KIAA0232: variants seen among roughly 807,000 people sequenced by gnomAD.
The protein encoded by KIAA0232 is KIAA0232, also known as uncharacterized protein KIAA0232.
A neutral mutation model predicts 122.0 loss-of-function variants in KIAA0232; 27 were observed. That is an observed-to-expected ratio of 0.22 (90% CI 0.16 to 0.31). KIAA0232 has a LOEUF of 0.31. KIAA0232 is among the 10% of genes least tolerant of loss of function. KIAA0232 has a pLI of 1.00. For missense variants in KIAA0232, 1,551 were observed against 1,634.2 expected, an observed-to-expected ratio of 0.95 and a Z score of 0.88; for synonymous variants, 613 against 587.6, an observed-to-expected ratio of 1.04 and a Z score of -0.63.
intron 2 of KIAA0232, among the ~76,000 whole-genome samples, chr4:6,815,314 G>A (rs1177061599): frequency 6.6e-6 from 1 of 152,152 alleles, no homozygotes. Flanking sequence ...TGGATCATAC[G>A]TGAAGTAAGT....
chr4:6,790,825 G>A (rs1296771021), intron 1 of KIAA0232, among the ~76,000 whole-genome samples: 1 of 150,630 alleles, frequency 6.6e-6, no homozygotes, highest in Non-Finnish European at 1.5e-5. Context: ...GCTTTCTTTG[G>A]TTAGTTACCA....
rs1282967876 is a variant in KIAA0232, at chr4:6,862,778, A to G, written c.2396A>G (p.Lys799Arg). 6.2e-7 allele frequency: 1 copy of G among 1,614,034 alleles called. No individual in the cohort carries two copies. Among genetic ancestry groups the G allele is most frequent in the Non-Finnish European group, 8.5e-7 (1 of 1,180,044 alleles). The part of the protein sequence containing the change: ...ESVCGIQLEQ[K>R]TENKNFETTQ... ...GTCTGTGGTATTCAGCTAGAACAAA[A>G]AACAGAAAACAAAAATTTTGAAACT... The change falls in exon 7 of 10, where the codon AAA becomes AGA. Residue 799 changes from lysine to arginine, a missense_variant. This residue lies in a region of KIAA0232 where 1,108 missense variants were observed against 1,154.8 expected (regional missense o/e 0.96). Coordinates refer to ENST00000307659, the MANE Select transcript of KIAA0232 (RefSeq NM_014743.3).
intron 1 of KIAA0232, among the ~76,000 whole-genome samples, chr4:6,786,074 C>T (rs1400971614): frequency 2.6e-5 from 4 of 152,084 alleles, no homozygotes; most frequent in African/African-American, 7.2e-5. Context: ...TTGTCTATAT[C>T]ATGTTGTATT....
chr4:6,864,913 A>G (rs1348550326), intron 7 of KIAA0232, among the ~76,000 whole-genome samples: 1 of 152,178 alleles, frequency 6.6e-6, no homozygotes, highest in African/African-American at 2.4e-5. Context: ...TTTTACATAT[A>G]AAACAAATTA....
At chr4:6,870,854 T>A (rs1721441040) in intron 7 of KIAA0232, among the ~76,000 whole-genome samples, 1 of 151,892 alleles carries the variant, frequency 6.6e-6, no homozygotes, top group African/African-American at 2.4e-5. Flanking sequence ...TTTTACTTAC[T>A]TCTGCCTGAA....
intron 4 of KIAA0232, among the ~76,000 whole-genome samples, chr4:6,846,193 G>T (rs551941283): frequency 6.6e-6 from 1 of 152,092 alleles, no homozygotes. Context: ...AATGTGCCAG[G>T]CATAACCAGA....
chr4:6,803,106 A>C (rs4555638), intron 1 of KIAA0232, among the ~76,000 whole-genome samples: 25,662 of 149,692 alleles, frequency 0.17, 2,660 homozygotes, highest in East Asian at 0.38. Context: ...ACTTGAGCCC[A>C]GGAGTTCTAG....
intron 3 of KIAA0232, among the ~76,000 whole-genome samples, chr4:6,841,583 G>T (rs537035807): frequency 7.2e-5 from 11 of 152,272 alleles, no homozygotes; most frequent in Non-Finnish European, 1.3e-4. Context: ...TAAGAGGGCA[G>T]TTAGGTAAGG....
intron 2 of KIAA0232, among the ~76,000 whole-genome samples, chr4:6,816,361 C>G (rs1236439405): frequency 1.3e-5 from 2 of 151,588 alleles, no homozygotes; most frequent in Non-Finnish European, 2.9e-5. Flanking sequence ...CGGCTCACTG[C>G]AAGCTCTACC....
chr4:6,851,154 A>C (rs1720261371), intron 4 of KIAA0232, among the ~76,000 whole-genome samples: 3 of 152,210 alleles, frequency 2.0e-5, no homozygotes, highest in Admixed American at 2.0e-4. Context: ...TTCTTATATG[A>C]ATTACTTTGT....
chr4:6,788,953 A>G (rs2108861112), intron 1 of KIAA0232, among the ~76,000 whole-genome samples: 1 of 150,420 alleles, frequency 6.6e-6, no homozygotes, highest in Middle Eastern at 3.4e-3. Flanking sequence ...AAAGAAAAAA[A>G]TCTCATTTTC....
intron 4 of KIAA0232, among the ~76,000 whole-genome samples, chr4:6,843,468 AC>A (rs1719772547): frequency 6.6e-6 from 1 of 151,908 alleles, no homozygotes; most frequent in South Asian, 2.1e-4. Flanking sequence ...TTCTCATCCA[AC>A]TCCTAATTAT....
chr4:6,875,115 G>C (rs1721682479), intron 8 of KIAA0232, among the ~76,000 whole-genome samples: 1 of 152,198 alleles, frequency 6.6e-6, no homozygotes, highest in African/African-American at 2.4e-5. Context: ...TGAAGCCAGG[G>C]TTCCTCCCAG....
intron 3 of KIAA0232, among the ~76,000 whole-genome samples, chr4:6,839,682 G>C (rs1028719545): frequency 6.6e-6 from 1 of 152,176 alleles, no homozygotes; most frequent in African/African-American, 2.4e-5. Context: ...GAAGGTCAGA[G>C]TGGGGCAGGC....
intron 2 of KIAA0232, among the ~76,000 whole-genome samples, chr4:6,816,811 A>G (rs1718149782): frequency 6.6e-6 from 1 of 152,122 alleles, no homozygotes; most frequent in African/African-American, 2.4e-5. Context: ...TTTCTTCTTG[A>G]GTAGGCTTTG....
chr4:6,842,343 CT>C lies in KIAA0232; in HGVS notation c.369+143del, dbSNP rs1719708420. 5 of 814,824 alleles carry C rather than the reference CT, an allele frequency of 6.1e-6. No individual in the cohort carries two copies. In the South Asian group the frequency reaches 8.8e-5, roughly 14 times the overall value. 50.5% of individuals were successfully genotyped at this position (814,824 alleles called of 1,614,324 possible). On this transcript the variant is annotated intron_variant, in intron 4 of 9. Transcript: ENST00000307659. Reference sequence around the variant, plus strand: ...TTACCAAGTAACATGAACATTACCACTTTTCCTTTATGGTATTTTTCTATAT... The same window carrying C: ...TTACCAAGTAACATGAACATTACCACTTTCCTTTATGGTATTTTTCTATAT...
intron 1 of KIAA0232, among the ~76,000 whole-genome samples, chr4:6,792,692 T>G (rs1049288116): frequency 2.2e-4 from 27 of 123,428 alleles, no homozygotes; most frequent in Non-Finnish European, 4.0e-4. Flanking sequence ...TTTTTTTTTT[T>G]TTGTTTTTTT....
intron 3 of KIAA0232, among the ~76,000 whole-genome samples, chr4:6,827,311 C>T (rs1392310499): frequency 6.6e-6 from 1 of 152,194 alleles, no homozygotes. Flanking sequence ...ACGGTTTCCC[C>T]AGGCAGAGAG....
At chr4:6,824,779 A>T in intron 3 of KIAA0232, 95 bp downstream of exon 3, 1 of 1,029,570 alleles carries the variant, frequency 9.7e-7, no homozygotes, top group East Asian at 2.6e-5. Context: ...AAACTGAGCT[A>T]TTCATGTGTG....
Sources: allele counts gnomAD v4.1 joint callset (sites outside exome capture counted in the v4.1 genomes callset), GRCh38; gene constraint gnomAD v4.1.1; regional missense constraint gnomAD v4.1.1; transcripts MANE v1.5; gene names NCBI Gene and HGNC (gene_info 2026-07-23, HGNC 2026-07-21).